KCNH1: variants seen among roughly 807,000 people sequenced by gnomAD.
KCNH1 encodes the protein voltage-gated delayed rectifier potassium channel KCNH1.
A neutral mutation model predicts 69.2 loss-of-function variants in KCNH1; 27 were observed. The observed-to-expected ratio is 0.39, with a 90% confidence interval of 0.29 to 0.54. KCNH1 has a LOEUF of 0.54. Among genes scored for constraint, KCNH1 ranks in the 20% least tolerant of loss-of-function variants. The probability of loss-of-function intolerance (pLI) is 0.68; values close to 1 mark genes in which losing one functional copy is unlikely to be tolerated. For missense variants in KCNH1, 798 were observed against 1,261.6 expected (o/e 0.63, Z 5.57); for synonymous variants, 456 against 487.7 (o/e 0.93, Z 0.86).
At chr1:210,711,437 A>G (rs756816749) in intron 10 of KCNH1, among the ~76,000 whole-genome samples, 12 of 152,210 alleles carry the variant, frequency 7.9e-5, no homozygotes, top group Admixed American at 2.0e-4. Flanking sequence ...CCCGGGGCCT[A>G]TGGAATCTGG....
At chr1:210,735,718 C>T (rs183570765) in intron 10 of KCNH1, among the ~76,000 whole-genome samples, 1 of 152,016 alleles carries the variant, frequency 6.6e-6, no homozygotes, top group Non-Finnish European at 1.5e-5. Context: ...CATTCTTTCC[C>T]CACAGTTGAG....
chr1:210,961,380 A>G (rs779027461), intron 6 of KCNH1, among the ~76,000 whole-genome samples: 2 of 151,872 alleles, frequency 1.3e-5, no homozygotes, highest in African/African-American at 2.4e-5. Context: ...TGCCCTCAAG[A>G]TTACTAATTT....
chr1:211,052,419 AAGACTCTTTATG>A (rs1690224910), intron 5 of KCNH1, among the ~76,000 whole-genome samples: 1 of 152,238 alleles, frequency 6.6e-6, no homozygotes, highest in Non-Finnish European at 1.5e-5. Context: ...AGTATTTTAA[AAGACTCTTTATG>A]AGAGGCAACA....
chr1:210,693,084 CCAA>C (rs1182096060), intron 10 of KCNH1, among the ~76,000 whole-genome samples: 4 of 152,206 alleles, frequency 2.6e-5, no homozygotes, highest in Non-Finnish European at 4.4e-5. Context: ...GGCATAGAAG[CCAA>C]CAAGACAATG....
rs1027631574 is a variant in KCNH1 at position 210,919,339 on chromosome 1, A to C, written c.1462+301T>G. On this transcript the variant is annotated intron_variant, in intron 7 of 10. Transcript: ENST00000271751. This position sits in a 1 kb window ranked among gnomAD's most constrained non-coding sequence, Gnocchi z 4.2. ...TTTAAGTTTATAAAAATCTATATGT[A>C]TTCAGATATGCAAAGAAAATAGTCT... 3 of 294,402 alleles carry C rather than the reference A, an allele frequency of 1.0e-5. No homozygotes were observed. In the South Asian group the frequency reaches 2.1e-4, roughly 21 times the overall value. The allele number at this position is 294,402 out of a possible 1,614,324, so 18.2% of individuals were successfully genotyped here.
intron 7 of KCNH1, among the ~76,000 whole-genome samples, chr1:210,857,409 A>T (rs77124009): frequency 3.9e-3 from 585 of 151,812 alleles, no homozygotes; most frequent in African/African-American, 0.013. Flanking sequence ...TCTTTTTGAG[A>T]CAGGTCTTAT....
At chr1:210,977,703 T>C (rs1040492665) in intron 6 of KCNH1, among the ~76,000 whole-genome samples, 1 of 152,214 alleles carries the variant, frequency 6.6e-6, no homozygotes, top group East Asian at 1.9e-4. Context: ...TTTGACCCAA[T>C]GTTTTACATA....
chr1:210,805,459 C>T (rs1033271643), intron 7 of KCNH1, among the ~76,000 whole-genome samples: 1 of 152,102 alleles, frequency 6.6e-6, no homozygotes, highest in African/African-American at 2.4e-5. Context: ...CCCTCCCTCC[C>T]ATCCCCACCT....
intron 7 of KCNH1, among the ~76,000 whole-genome samples, chr1:210,815,379 A>G (rs1684791640): frequency 6.6e-6 from 1 of 152,188 alleles, no homozygotes; most frequent in South Asian, 2.1e-4. Context: ...ACTCTACTGG[A>G]CAGGACAATG....
At chr1:210,935,072 A>G (rs1286499166) in intron 6 of KCNH1, among the ~76,000 whole-genome samples, 1 of 151,466 alleles carries the variant, frequency 6.6e-6, no homozygotes, top group Non-Finnish European at 1.5e-5. Context: ...TAGCTAAGAT[A>G]TGGAATTTAC....
chr1:210,960,011 CTGGAGCTGTTCCTATT>C (rs1337789337), intron 6 of KCNH1, among the ~76,000 whole-genome samples: 13 of 152,258 alleles, frequency 8.5e-5, no homozygotes, highest in Non-Finnish European at 1.6e-4. Context: ...GAACTGCAGA[CTGGAGCTGTTCCTATT>C]TGGCCATCTT....
At chr1:210,778,793 G>C (rs1164305021) in intron 9 of KCNH1, among the ~76,000 whole-genome samples, 1 of 152,174 alleles carries the variant, frequency 6.6e-6, no homozygotes, top group Non-Finnish European at 1.5e-5. Context: ...GTAGAAGCTA[G>C]TTGATAATCT....
rs895664148 is a variant in KCNH1, at chr1:210,857,380, G to A, written c.1463-53214C>T. ...TCCTATTTTGTTTATGCGTAAGGCC[G>A]GACCTTTGAATTTTCTTTTCTTTTT... On this transcript the variant is annotated intron_variant, in intron 7 of 10. Coordinates refer to ENST00000271751, the MANE Select transcript of KCNH1 (RefSeq NM_172362.3). Among the ~76,000 whole-genome samples, 12 of 151,938 alleles carry A rather than the reference G, an allele frequency of 7.9e-5. No individual in the cohort carries two copies. In the South Asian group the frequency reaches 8.3e-4, roughly 11 times the overall value.
In KCNH1 at chr1:211,045,041, G is replaced by GATATATAGATATATATAGATATAT. The variant is rs1164564038; in HGVS notation, c.559-25786_559-25785insATATATCTATATATATCTATATAT. 7.3e-5 allele frequency among the ~76,000 whole-genome samples: 6 copies of GATATATAGATATATATAGATATAT among 81,718 alleles called. 1 individual carries two copies. Among genetic ancestry groups the GATATATAGATATATATAGATATAT allele is most frequent in the African/African-American group, 2.5e-4 (6 of 23,570 alleles). The allele number at this position is 81,718 out of a possible 152,430, so 53.6% of individuals were successfully genotyped here. A position where few individuals can be genotyped will look rare whatever the true frequency, so the allele number is the denominator to read the frequency against. ...ATCAATGTGTGGATAAATTGTGGGGGATATATATATATATATATGAATAAT... is the reference window on the plus strand; with the variant it reads ...ATCAATGTGTGGATAAATTGTGGGGGATATATAGATATATATAGATATATATATATATATATATATATGAATAAT... On this transcript the variant is annotated intron_variant, in intron 5 of 10. Coordinates refer to ENST00000271751, the MANE Select transcript of KCNH1 (RefSeq NM_172362.3).
intron 7 of KCNH1, among the ~76,000 whole-genome samples, chr1:210,856,923 T>A (rs1685862163): frequency 8.7e-6 from 1 of 114,534 alleles, no homozygotes; most frequent in South Asian, 3.3e-4. Context: ...TGGTGTTTAC[T>A]CTGGAGGTGC....
At chr1:210,956,531 C>T (rs949119936) in intron 6 of KCNH1, among the ~76,000 whole-genome samples, 2 of 144,358 alleles carry the variant, frequency 1.4e-5, no homozygotes, top group Admixed American at 7.0e-5. Context: ...CTGTCTGGTC[C>T]TGGAGTTTTT....
At chr1:210,778,648 G>C (rs886550083) in intron 9 of KCNH1, among the ~76,000 whole-genome samples, 1 of 152,076 alleles carries the variant, frequency 6.6e-6, no homozygotes, top group Admixed American at 6.6e-5. Flanking sequence ...TGATACAAGA[G>C]AGAGCAAGGG....
At chr1:210,705,274 G>A (rs568237744) in intron 10 of KCNH1, among the ~76,000 whole-genome samples, 3 of 152,292 alleles carry the variant, frequency 2.0e-5, no homozygotes, top group East Asian at 1.9e-4. Context: ...ATTCTCATTC[G>A]TCCACTTGCT....
intron 6 of KCNH1, among the ~76,000 whole-genome samples, chr1:210,978,104 T>A (rs1307622703): frequency 6.6e-6 from 1 of 151,674 alleles, no homozygotes; most frequent in Non-Finnish European, 1.5e-5. Context: ...AGTGGTGCGA[T>A]CTCGGCTCAC....
Sources: allele counts gnomAD v4.1 joint callset (sites outside exome capture counted in the v4.1 genomes callset), GRCh38; gene constraint gnomAD v4.1.1; non-coding constraint Gnocchi (gnomAD v3.1); transcripts MANE v1.5; gene names NCBI Gene and HGNC (gene_info 2026-07-23, HGNC 2026-07-21).